The following RALYL variants were observed in gnomAD, a reference collection of about 807,000 sequenced individuals.
The protein encoded by RALYL is RALY RNA binding protein like, also known as RNA-binding Raly-like protein.
A neutral mutation model predicts 35.1 loss-of-function variants in RALYL; 29 were observed. The ratio of observed to expected loss-of-function variants is 0.83; its 90% CI spans 0.61 to 1.13. The LOEUF is 1.13. Among genes scored for constraint, RALYL ranks in the 50% most tolerant of loss-of-function variants. RALYL has a pLI of 0.00. For missense variants in RALYL, 359 were observed against 360.4 expected (o/e 1.00, Z 0.03); for synonymous variants, 120 against 127.6 (o/e 0.94, Z 0.40).
intron 1 of RALYL, among the ~76,000 whole-genome samples, chr8:84,238,498 C>T (rs1482850900): frequency 6.6e-6 from 1 of 152,096 alleles, no homozygotes; most frequent in African/African-American, 2.4e-5. Flanking sequence ...GCTGCCTGAA[C>T]TGTAGCATAT....
chr8:84,575,664 TTATTAAGC>T (rs985766555), intron 2 of RALYL, among the ~76,000 whole-genome samples: 11 of 152,190 alleles, frequency 7.2e-5, no homozygotes, highest in African/African-American at 2.2e-4. Flanking sequence ...CTCTGCTTTT[TTATTAAGC>T]ATGTCGAACT....
intron 2 of RALYL, among the ~76,000 whole-genome samples, chr8:84,534,616 G>C (rs536158110): frequency 6.6e-6 from 1 of 152,218 alleles, no homozygotes; most frequent in East Asian, 1.9e-4. Flanking sequence ...GTTAGTAGGA[G>C]GAATGGATGG....
At chr8:84,624,482 C>T (rs1332584062) in intron 2 of RALYL, among the ~76,000 whole-genome samples, 4 of 152,156 alleles carry the variant, frequency 2.6e-5, no homozygotes, top group Admixed American at 2.6e-4. Context: ...AGCACCATTG[C>T]ATCTCTCTGT....
chr8:84,590,769 A>G (rs1813063392), intron 2 of RALYL, among the ~76,000 whole-genome samples: 1 of 152,188 alleles, frequency 6.6e-6, no homozygotes, highest in Non-Finnish European at 1.5e-5. Flanking sequence ...ATGTCGGGAA[A>G]GTTGATTATA....
At chr8:84,290,297 T>C (rs1355767743) in intron 1 of RALYL, among the ~76,000 whole-genome samples, 2 of 152,136 alleles carry the variant, frequency 1.3e-5, no homozygotes, top group Non-Finnish European at 2.9e-5. Context: ...AGTCACCTCT[T>C]GTTTTCATGC....
intron 3 of RALYL, 125 bp from the exon 4 acceptor site, chr8:84,804,645 A>C (rs1824163030): frequency 5.9e-6 from 2 of 339,070 alleles, no homozygotes; most frequent in Admixed American, 1.1e-4. Flanking sequence ...ATAGCTTTTT[A>C]CTGGTGCTAC....
intron 2 of RALYL, among the ~76,000 whole-genome samples, chr8:84,659,906 C>T (rs1014538892): frequency 5.3e-5 from 8 of 151,984 alleles, no homozygotes; most frequent in African/African-American, 1.9e-4. Context: ...TTACTAATAT[C>T]ATTAAAAGAT....
At chr8:84,445,489 G>A (rs2048754981) in intron 1 of RALYL, among the ~76,000 whole-genome samples, 1 of 151,712 alleles carries the variant, frequency 6.6e-6, no homozygotes, top group African/African-American at 2.4e-5. Context: ...TTAAACTTTA[G>A]TATTAAAACT....
chr8:84,523,517 T>G (rs529999228), intron 1 of RALYL, among the ~76,000 whole-genome samples: 2 of 151,194 alleles, frequency 1.3e-5, no homozygotes, highest in Admixed American at 1.3e-4. Flanking sequence ...TTTTATTTTT[T>G]TATTTTTTTT....
intron 2 of RALYL, among the ~76,000 whole-genome samples, chr8:84,619,393 T>C (rs1351453712): frequency 6.7e-6 from 1 of 150,282 alleles, no homozygotes; most frequent in East Asian, 1.9e-4. Flanking sequence ...AAAGTCTGTT[T>C]TATCAGAGAC....
At chr8:84,203,490 A>G (rs1817387550) in intron 1 of RALYL, among the ~76,000 whole-genome samples, 1 of 152,174 alleles carries the variant, frequency 6.6e-6, no homozygotes, top group African/African-American at 2.4e-5. Context: ...CTTAAAATAT[A>G]TTCTGTAGCC....
intron 2 of RALYL, among the ~76,000 whole-genome samples, chr8:84,580,151 G>A (rs972843678): frequency 4.6e-5 from 7 of 152,156 alleles, no homozygotes; most frequent in Admixed American, 1.3e-4. Context: ...CACAAATTGG[G>A]ATAGTTTTTA....
At chr8:84,215,308 A>G (rs993288167) in intron 1 of RALYL, among the ~76,000 whole-genome samples, 1 of 152,166 alleles carries the variant, frequency 6.6e-6, no homozygotes, top group South Asian at 2.1e-4. Context: ...AAAAATTGGC[A>G]TTATGATTCA....
At chr8:84,454,720 G>A (rs1199489666) in intron 1 of RALYL, among the ~76,000 whole-genome samples, 1 of 152,018 alleles carries the variant, frequency 6.6e-6, no homozygotes, top group African/African-American at 2.4e-5. Context: ...AACATTCAAT[G>A]TTAGGTACTT....
rs945712747 is a variant in RALYL at position 84,743,665 on chromosome 8, T to A, written c.257-30914T>A. Among the ~76,000 whole-genome samples, 6 of 152,108 alleles carry A rather than the reference T, an allele frequency of 3.9e-5. No individual in the cohort carries two copies. The South Asian group carries it at 6.2e-4, about 16-fold the overall frequency. On this transcript the variant is annotated intron_variant, in intron 2 of 8. Coordinates refer to ENST00000521268, the MANE Select transcript of RALYL (RefSeq NM_173848.7). The stretch of plus-strand genomic sequence containing the variant: ...CATCAGGTCACATCTTATCTTAACA[T>A]GCTACAACAAAAAGGCACAAGACAA...
At chr8:84,191,167 C>T (rs1190041243) in intron 1 of RALYL, among the ~76,000 whole-genome samples, 11 of 128,600 alleles carry the variant, frequency 8.6e-5, no homozygotes, top group Non-Finnish European at 1.3e-4. Flanking sequence ...TTGTATGTGT[C>T]GTGTGTGTGT....
chr8:84,792,179 G>A (rs182110034), intron 3 of RALYL, among the ~76,000 whole-genome samples: 35 of 152,300 alleles, frequency 2.3e-4, no homozygotes, highest in Admixed American at 1.8e-3. Flanking sequence ...CTTGGTACCC[G>A]GGTCCTTGTC....
At chr8:84,348,958 G>T (rs1850354009) in intron 1 of RALYL, among the ~76,000 whole-genome samples, 1 of 150,130 alleles carries the variant, frequency 6.7e-6, no homozygotes, top group Non-Finnish European at 1.5e-5. Context: ...TGTAGGCTAA[G>T]TTATTCAGGC....
At chr8:84,221,250 A>T (rs1223830321) in intron 1 of RALYL, among the ~76,000 whole-genome samples, 1 of 151,614 alleles carries the variant, frequency 6.6e-6, no homozygotes, top group Non-Finnish European at 1.5e-5. Context: ...ACAACATTTT[A>T]AAAAATAAGC....
Sources: allele counts gnomAD v4.1 joint callset (sites outside exome capture counted in the v4.1 genomes callset), GRCh38; gene constraint gnomAD v4.1.1; transcripts MANE v1.5; gene names NCBI Gene and HGNC (gene_info 2026-07-23, HGNC 2026-07-21).